Variants in WDR70 observed in about 807,000 individuals in gnomAD.
WDR70 encodes the protein WD repeat domain 70, also known as WD repeat-containing protein 70.
In WDR70, 53 loss-of-function variants were observed where a neutral mutation model predicts 88.6. The observed-to-expected ratio is 0.60, with a 90% confidence interval of 0.48 to 0.75. The LOEUF (loss-of-function observed/expected upper bound fraction) is 0.75. Ranked by LOEUF, WDR70 falls within the 30% of genes least tolerant of loss-of-function variation. The pLI, the probability that WDR70 is intolerant of heterozygous loss-of-function variation, is 0.00. For missense variants in WDR70, 610 were observed against 823.2 expected, an observed-to-expected ratio of 0.74 and a Z score of 3.17; for synonymous variants, 280 against 270.0, an observed-to-expected ratio of 1.04 and a Z score of -0.36.
chr5:37,672,969 G>A (rs1045322074), intron 10 of WDR70, among the ~76,000 whole-genome samples: 1 of 152,020 alleles, frequency 6.6e-6, no homozygotes, highest in Non-Finnish European at 1.5e-5. Flanking sequence ...GGAGGCGGGG[G>A]GGTTTGTTGT....
intron 10 of WDR70, among the ~76,000 whole-genome samples, chr5:37,633,578 C>G (rs1346992023): frequency 1.3e-5 from 2 of 151,648 alleles, no homozygotes; most frequent in Admixed American, 1.3e-4. Flanking sequence ...GCAGAGGAAG[C>G]TTTCTAAATG....
At chr5:37,677,936 T>A (rs1450897830) in intron 10 of WDR70, among the ~76,000 whole-genome samples, 2 of 152,226 alleles carry the variant, frequency 1.3e-5, no homozygotes, top group Non-Finnish European at 2.9e-5. Context: ...TGCATATATA[T>A]TTAGGATAGT....
rs539597548 is a variant in WDR70 at position 37,592,835 on chromosome 5, A to G, written c.918-12229A>G. ...GGAAGGAAGAAATAAAATTGTGTCT[A>G]TTAAAGAGACCACATAATCGTCTAT... is the stretch of plus-strand genomic sequence containing the variant. On this transcript the variant is annotated intron_variant, in intron 9 of 17. Transcript: ENST00000265107. Among the ~76,000 whole-genome samples the G allele has an allele frequency of 4.6e-5, 7 of 152,360 alleles. No homozygotes were observed. The South Asian group carries it at 1.2e-3, about 27-fold the overall frequency.
chr5:37,398,905 G>A (rs1749110746), intron 5 of WDR70, among the ~76,000 whole-genome samples: 1 of 152,334 alleles, frequency 6.6e-6, no homozygotes, highest in East Asian at 1.9e-4. Flanking sequence ...ACTTTGGGAG[G>A]CTGAGGAGTG....
intron 8 of WDR70, among the ~76,000 whole-genome samples, chr5:37,491,056 T>G (rs1188825838): frequency 6.6e-6 from 1 of 152,120 alleles, no homozygotes; most frequent in Non-Finnish European, 1.5e-5. Flanking sequence ...GCTTCCTCTT[T>G]AGAAGCTTGT....
intron 10 of WDR70, among the ~76,000 whole-genome samples, chr5:37,611,467 T>G (rs761460292): frequency 1.8e-4 from 28 of 152,064 alleles, no homozygotes; most frequent in Non-Finnish European, 3.5e-4. Context: ...TTTCTTTATA[T>G]TTTTCATTTA....
Position 37,568,364 on chromosome 5 carries a change from CT to C in WDR70, c.918-36697del, listed in dbSNP as rs780098866. 4.5e-4 allele frequency among the ~76,000 whole-genome samples: 69 copies of C among 152,170 alleles called. 1 individual carries two copies. The highest frequency in any genetic ancestry group is 1.6e-4 in the Non-Finnish European group (11 of 68,030). On this transcript the variant is annotated intron_variant, in intron 9 of 17. Coordinates refer to ENST00000265107, the MANE Select transcript of WDR70 (RefSeq NM_018034.4). ...AAAAATACATATTTAAAAGATCTAA[CT>C]TTGGTTTAGCCCCTGTTTATTTTAA...
chr5:37,577,640 C>T (rs1561909098), intron 9 of WDR70, among the ~76,000 whole-genome samples: 1 of 152,092 alleles, frequency 6.6e-6, no homozygotes, highest in Admixed American at 6.6e-5. Flanking sequence ...CAGAAGGCTA[C>T]ATGTGCATTG....
At chr5:37,385,020 G>A (rs1426553874) in intron 3 of WDR70, among the ~76,000 whole-genome samples, 3 of 152,206 alleles carry the variant, frequency 2.0e-5, no homozygotes, top group South Asian at 4.2e-4. Flanking sequence ...TAGCTAGGAC[G>A]GCTCACAGGG....
At chr5:37,444,102 T>C (rs1285473354) in intron 7 of WDR70, among the ~76,000 whole-genome samples, 1 of 151,696 alleles carries the variant, frequency 6.6e-6, no homozygotes, top group Non-Finnish European at 1.5e-5. Flanking sequence ...TGAGCCAGGA[T>C]TGCGCCACTG....
chr5:37,414,372 C>T (rs1348627925), intron 5 of WDR70, among the ~76,000 whole-genome samples: 2 of 152,104 alleles, frequency 1.3e-5, no homozygotes, highest in African/African-American at 2.4e-5. Flanking sequence ...TTTCTATTTA[C>T]TCTTTCTTCC....
At chr5:37,386,806 G>T (rs1334770239) in intron 3 of WDR70, among the ~76,000 whole-genome samples, 1 of 151,914 alleles carries the variant, frequency 6.6e-6, no homozygotes, top group Non-Finnish European at 1.5e-5. Flanking sequence ...TTTTAAAATG[G>T]CACAATCTGG....
At chr5:37,414,340 A>G (rs1448941874) in intron 5 of WDR70, among the ~76,000 whole-genome samples, 2 of 152,000 alleles carry the variant, frequency 1.3e-5, no homozygotes, top group African/African-American at 2.4e-5. Context: ...GGAGACCTCT[A>G]TTCTTATTCC....
intron 17 of WDR70, among the ~76,000 whole-genome samples, chr5:37,734,206 G>A (rs1036411434): frequency 5.9e-5 from 9 of 151,992 alleles, no homozygotes; most frequent in African/African-American, 2.2e-4. Context: ...ATAACCATCA[G>A]TGATAGTGCA....
chr5:37,671,563 T>C (rs964976525), intron 10 of WDR70, among the ~76,000 whole-genome samples: 7 of 152,184 alleles, frequency 4.6e-5, no homozygotes, highest in Non-Finnish European at 7.4e-5. Context: ...ACTAGTAATC[T>C]TTCTATTAAT....
intron 9 of WDR70, among the ~76,000 whole-genome samples, chr5:37,534,742 G>A (rs1412149515): frequency 6.6e-6 from 1 of 152,088 alleles, no homozygotes. Context: ...GCCTCCCAAA[G>A]TTCTGGGATT....
intron 5 of WDR70, among the ~76,000 whole-genome samples, chr5:37,417,839 G>C (rs578062633): frequency 6.6e-6 from 1 of 152,126 alleles, no homozygotes; most frequent in South Asian, 2.1e-4. Flanking sequence ...GAACCACTGC[G>C]CCCAATACAA....
intron 7 of WDR70, among the ~76,000 whole-genome samples, chr5:37,457,304 C>T (rs1485005756): frequency 6.6e-6 from 1 of 152,156 alleles, no homozygotes; most frequent in African/African-American, 2.4e-5. Flanking sequence ...CCATGTTGGC[C>T]AGGCTGGTCT....
chr5:37,713,900 C>T (rs1182067598), intron 13 of WDR70, among the ~76,000 whole-genome samples: 2 of 152,132 alleles, frequency 1.3e-5, no homozygotes, highest in Non-Finnish European at 2.9e-5. Context: ...AACAAGTTTT[C>T]CAGCTGTTCT....
Sources: allele counts gnomAD v4.1 joint callset (sites outside exome capture counted in the v4.1 genomes callset), GRCh38; gene constraint gnomAD v4.1.1; transcripts MANE v1.5; gene names NCBI Gene and HGNC (gene_info 2026-07-23, HGNC 2026-07-21).